The following NEK6 variants were observed in gnomAD, a reference collection of about 807,000 sequenced individuals.
NEK6 encodes the protein NIMA related kinase 6.
Under a neutral mutation model 43.5 loss-of-function variants are expected in NEK6, and 27 were observed. That is an observed-to-expected ratio of 0.62 (90% CI 0.46 to 0.86). The LOEUF (loss-of-function observed/expected upper bound fraction) is 0.86. Ranked by LOEUF, NEK6 falls within the 40% of genes least tolerant of loss-of-function variation. The pLI, the probability that NEK6 is intolerant of heterozygous loss-of-function variation, is 0.00. For synonymous variants in NEK6, 167 were observed against 164.1 expected (o/e 1.02, Z -0.14); for missense variants, 318 against 414.4 (o/e 0.77, Z 2.02).
intron 1 of NEK6, among the ~76,000 whole-genome samples, chr9:124,296,471 C>T (rs1269614750): frequency 2.0e-5 from 3 of 152,200 alleles, no homozygotes; most frequent in African/African-American, 2.4e-5. Flanking sequence ...GCCTTTGCCA[C>T]GTCTACCCTC....
chr9:124,333,870 C>T (rs911871052), intron 7 of NEK6, among the ~76,000 whole-genome samples: 4 of 151,596 alleles, frequency 2.6e-5, no homozygotes, highest in East Asian at 1.9e-4. Flanking sequence ...CTTCACCTCC[C>T]GGGTTCAAGA....
intron 1 of NEK6, chr9:124,261,692 G>GCT: frequency 1.5e-6 from 1 of 665,858 alleles, no homozygotes. Context: ...AATGTTGTGT[G>GCT]TGAGGACCTG....
At chr9:124,274,724 A>G (rs1831584335) in intron 1 of NEK6, among the ~76,000 whole-genome samples, 1 of 152,210 alleles carries the variant, frequency 6.6e-6, no homozygotes, top group Admixed American at 6.5e-5. Context: ...CCACCTGGAC[A>G]TCTGATAGAA....
intron 3 of NEK6, 116 bp downstream of exon 3, chr9:124,312,765 C>A: frequency 9.7e-7 from 1 of 1,034,222 alleles, no homozygotes; most frequent in Non-Finnish European, 1.4e-6. Flanking sequence ...GGAAACAGCA[C>A]TCAACTCACT....
At chr9:124,257,688 C>G, upstream of NEK6, 1 of 1,533,356 alleles carries the variant, frequency 6.5e-7, no homozygotes, top group Non-Finnish European at 8.7e-7. Context: ...AAGTCTAGAG[C>G]CGGAGAAGAT....
At chr9:124,258,151 G>A (rs1830881500) in intron 1 of NEK6, 66 bp downstream of exon 1, 1 of 977,410 alleles carries the variant, frequency 1.0e-6, no homozygotes, top group South Asian at 4.7e-5. Context: ...CGGGGGCCGG[G>A]CGGCGGGGCC....
intron 8 of NEK6, 92 bp from the exon 9 acceptor site, chr9:124,347,617 C>A: frequency 1.3e-6 from 1 of 760,204 alleles, no homozygotes; most frequent in Non-Finnish European, 2.1e-6. Context: ...AGAGAGAACC[C>A]ATGCCCCAAC....
At chr9:124,274,962 G>A (rs967759587) in intron 1 of NEK6, among the ~76,000 whole-genome samples, 4 of 152,208 alleles carry the variant, frequency 2.6e-5, no homozygotes, top group African/African-American at 9.7e-5. Flanking sequence ...GGAATGAAAA[G>A]ATGGATGTGA....
chr9:124,344,048 G>C (rs568485504), intron 8 of NEK6, among the ~76,000 whole-genome samples: 17 of 152,262 alleles, frequency 1.1e-4, no homozygotes, highest in Middle Eastern at 3.4e-3. Context: ...GTTTCCTTAT[G>C]TTTTCCATGG....
At chr9:124,267,002 C>T (rs763620135) in intron 1 of NEK6, among the ~76,000 whole-genome samples, 8 of 152,214 alleles carry the variant, frequency 5.3e-5, no homozygotes, top group Admixed American at 1.3e-4. Flanking sequence ...GCAGCTCCCA[C>T]ATGTCTGCAT....
rs1268312107 is a variant in NEK6, at chr9:124,275,429, G to C, written c.-30+17344G>C. The stretch of plus-strand genomic sequence containing the variant: ...CCAGAACCCATGGGTAACGGGGTCA[G>C]CATTCAGAAGTGTCAGCTCCAGCTG... On this transcript the variant is annotated intron_variant, in intron 1 of 9. Transcript: ENST00000320246. The surrounding 1 kb of genome is among the most constrained non-coding windows in gnomAD (Gnocchi z 4.4). Among the ~76,000 whole-genome samples the C allele has an allele frequency of 2.0e-5, 3 of 152,218 alleles. No individual in the cohort carries two copies. Among genetic ancestry groups the C allele is most frequent in the Admixed American group, 6.5e-5 (1 of 15,278 alleles).
At chr9:124,349,602 T>C (rs146538397) in intron 9 of NEK6, among the ~76,000 whole-genome samples, 31 of 152,322 alleles carry the variant, frequency 2.0e-4, no homozygotes, top group Admixed American at 7.2e-4. Context: ...TAAGACACTT[T>C]TATTATTTTT....
At chr9:124,327,488 T>TGGTGAC (rs769735921) in intron 7 of NEK6, 43 bp downstream of exon 7, 13 of 1,490,220 alleles carry the variant, frequency 8.7e-6, no homozygotes, top group Non-Finnish European at 1.2e-5. Flanking sequence ...CCAGCGGTCC[T>TGGTGAC]GGTGACCATG....
intron 1 of NEK6, among the ~76,000 whole-genome samples, chr9:124,280,878 G>A (rs1191933881): frequency 1.3e-5 from 2 of 151,886 alleles, no homozygotes; most frequent in Non-Finnish European, 2.9e-5. Context: ...CTGCAGCCTT[G>A]ACTTCCTGGG....
chr9:124,267,893 T>A (rs1831287369), intron 1 of NEK6, among the ~76,000 whole-genome samples: 1 of 152,218 alleles, frequency 6.6e-6, no homozygotes, highest in Admixed American at 6.5e-5. Flanking sequence ...GTGTTCTGTG[T>A]CTTCAGACAT....
rs754092981 is a variant in NEK6, at chr9:124,301,947, G to C, written c.-18G>C. Reference sequence around the variant, plus strand: ...GTTTTCTGTTGCAGTTCGTGCCCTCGTGAGGCTGGCATGCAGGATGGCAGG... The same window carrying C: ...GTTTTCTGTTGCAGTTCGTGCCCTCCTGAGGCTGGCATGCAGGATGGCAGG... On this transcript the variant is annotated 5_prime_UTR_variant, in exon 2 of 10. Transcript: ENST00000320246. The C allele has an allele frequency of 1.3e-6, 2 of 1,585,094 alleles. No individual in the cohort carries two copies. Among genetic ancestry groups the C allele is most frequent in the African/African-American group, 1.3e-5 (1 of 74,256 alleles).
In NEK6 at chr9:124,338,017, C is replaced by G. The variant is rs553321097; in HGVS notation, c.623-1554C>G. On this transcript the variant is annotated intron_variant, in intron 7 of 9. Coordinates refer to ENST00000320246, the MANE Select transcript of NEK6 (RefSeq NM_014397.6). ...TTTGAGACAGAGTCTCACTCACTCT[C>G]TCACCTGGGCTGGAGTGCAGTGGCA... Among the ~76,000 whole-genome samples, 14 of 152,318 alleles carry G rather than the reference C, an allele frequency of 9.2e-5. No individual in the cohort carries two copies. The East Asian group carries it at 2.5e-3, about 27-fold the overall frequency.
At chr9:124,281,937 T>C (rs1462656100) in intron 1 of NEK6, among the ~76,000 whole-genome samples, 1 of 152,118 alleles carries the variant, frequency 6.6e-6, no homozygotes, top group Non-Finnish European at 1.5e-5. Context: ...CCGGAAGCCA[T>C]TGATGTACTT....
chr9:124,304,411 C>CGTCTCTCA (rs1554850000), intron 2 of NEK6, among the ~76,000 whole-genome samples: 1 of 152,178 alleles, frequency 6.6e-6, no homozygotes, highest in Non-Finnish European at 1.5e-5. Context: ...CCCAGCTCTC[C>CGTCTCTCA]GTCTCTCATT....
Sources: allele counts gnomAD v4.1 joint callset (sites outside exome capture counted in the v4.1 genomes callset), GRCh38; gene constraint gnomAD v4.1.1; non-coding constraint Gnocchi (gnomAD v3.1); transcripts MANE v1.5; gene names NCBI Gene and HGNC (gene_info 2026-07-23, HGNC 2026-07-21).